The following PALM2AKAP2 variants were observed in gnomAD, a reference collection of about 807,000 sequenced individuals.
PALM2AKAP2 encodes the protein PALM2-AKAP2 fusion protein.
In PALM2AKAP2, 37 loss-of-function variants were observed where a neutral mutation model predicts 71.5. That is an observed-to-expected ratio of 0.52 (90% CI 0.40 to 0.68). PALM2AKAP2 has a LOEUF of 0.68. Among genes scored for constraint, PALM2AKAP2 ranks in the 30% least tolerant of loss-of-function variants. The pLI, the probability that PALM2AKAP2 is intolerant of heterozygous loss-of-function variation, is 0.00. For synonymous variants in PALM2AKAP2, 468 were observed against 478.8 expected, an observed-to-expected ratio of 0.98 and a Z score of 0.29; for missense variants, 1,224 against 1,191.8, an observed-to-expected ratio of 1.03 and a Z score of -0.40.
In PALM2AKAP2 at chr9:109,691,849, TATATATATATATATATATACAC is replaced by T. The variant is rs1345531208; in HGVS notation, c.5+50985_5+51006del. On this transcript the variant is annotated intron_variant, in intron 1 of 6. Transcript: ENST00000374531. ...CAGAAAGACGATATATATATATATA[TATATATATATATATATATACAC>T]ACACACACACATATATATATATATA... Among the ~76,000 whole-genome samples, 6 of 31,590 alleles carry T rather than the reference TATATATATATATATATATACAC, an allele frequency of 1.9e-4. No homozygotes were observed. The Admixed American group carries it at 2.4e-3, about 13-fold the overall frequency. 20.7% of individuals were successfully genotyped at this position (31,590 alleles called of 152,430 possible).
At chr9:109,837,446 G>A (rs1212326334) in intron 1 of PALM2AKAP2, among the ~76,000 whole-genome samples, 7 of 152,120 alleles carry the variant, frequency 4.6e-5, no homozygotes, top group South Asian at 2.1e-4. Context: ...AAAGACCATC[G>A]AGGCTAGAAA....
intron 1 of PALM2AKAP2, among the ~76,000 whole-genome samples, chr9:110,115,832 C>T (rs1835349536): frequency 6.6e-6 from 1 of 152,154 alleles, no homozygotes; most frequent in Non-Finnish European, 1.5e-5. Context: ...GTAGCTGATT[C>T]CATCAGATCA....
intron 1 of PALM2AKAP2, among the ~76,000 whole-genome samples, chr9:109,641,308 T>C (rs537921659): frequency 1.3e-5 from 2 of 152,184 alleles, no homozygotes; most frequent in South Asian, 2.1e-4. Context: ...GTGAAGCGTG[T>C]AATGGAAGGA....
At chr9:109,665,577 G>A (rs1226808822) in intron 1 of PALM2AKAP2, among the ~76,000 whole-genome samples, 5 of 152,278 alleles carry the variant, frequency 3.3e-5, no homozygotes, top group South Asian at 2.1e-4. Context: ...TCCCAGAGGG[G>A]CAGCCGCCTA....
At chr9:110,057,611 C>T (rs562738177) in intron 1 of PALM2AKAP2, among the ~76,000 whole-genome samples, 1 of 151,962 alleles carries the variant, frequency 6.6e-6, no homozygotes, top group African/African-American at 2.4e-5. Context: ...ATCTCCTGAC[C>T]TCATGATCCG....
In PALM2AKAP2 at chr9:109,654,750, G is replaced by GGTGTGTGTGTGTGTGTGTGTGTGTGT. The variant is rs374397482; in HGVS notation, c.5+13887_5+13912dup. Reference sequence around the variant, plus strand: ...TAGAGGTGCCTGTATGTATGTGTATGGTGTGTGTGTGTGTGTGTGTGTGTG... The same window carrying GGTGTGTGTGTGTGTGTGTGTGTGTGT: ...TAGAGGTGCCTGTATGTATGTGTATGGTGTGTGTGTGTGTGTGTGTGTGTGTGTGTGTGTGTGTGTGTGTGTGTGTG... On this transcript the variant is annotated intron_variant, in intron 1 of 6. Transcript: ENST00000374531. Among the ~76,000 whole-genome samples, 7 of 147,298 alleles carry GGTGTGTGTGTGTGTGTGTGTGTGTGT rather than the reference G, an allele frequency of 4.8e-5. No homozygotes were observed. The South Asian group carries it at 1.1e-3, about 23-fold the overall frequency.
chr9:109,926,074 A>T (rs762252991), intron 5 of PALM2AKAP2, among the ~76,000 whole-genome samples: 1 of 152,164 alleles, frequency 6.6e-6, no homozygotes, highest in Admixed American at 6.5e-5. Context: ...TGTATTAAAA[A>T]CAAACAAAAA....
chr9:109,899,602 A>C (rs1228443507), intron 3 of PALM2AKAP2, among the ~76,000 whole-genome samples: 1 of 152,134 alleles, frequency 6.6e-6, no homozygotes, highest in Non-Finnish European at 1.5e-5. Context: ...AACTTCCTTA[A>C]TTTAGCTTAG....
chr9:109,736,516 A>G (rs1446022491), intron 1 of PALM2AKAP2, among the ~76,000 whole-genome samples: 1 of 152,208 alleles, frequency 6.6e-6, no homozygotes, highest in African/African-American at 2.4e-5. Context: ...GCCTTGACGT[A>G]GAGCCATTTT....
chr9:109,969,537 C>G (rs1022327053), intron 6 of PALM2AKAP2, among the ~76,000 whole-genome samples: 1 of 152,218 alleles, frequency 6.6e-6, no homozygotes, highest in Admixed American at 6.5e-5. Flanking sequence ...CAGTCGTTCA[C>G]GGGGCTCTCT....
At chr9:109,975,426 C>T (rs1262969510) in intron 6 of PALM2AKAP2, among the ~76,000 whole-genome samples, 1 of 152,190 alleles carries the variant, frequency 6.6e-6, no homozygotes. Context: ...GGATGATTGC[C>T]CACCCACACT....
At chr9:109,710,994 A>G (rs556155030) in intron 1 of PALM2AKAP2, among the ~76,000 whole-genome samples, 6 of 152,226 alleles carry the variant, frequency 3.9e-5, no homozygotes, top group African/African-American at 1.4e-4. Flanking sequence ...GTAGCACTAC[A>G]TGCATGCAAA....
chr9:110,096,993 C>T (rs146379475), intron 1 of PALM2AKAP2, among the ~76,000 whole-genome samples: 4,018 of 147,516 alleles, frequency 0.027, 174 homozygotes, highest in African/African-American at 0.095. Flanking sequence ...TTGGGTGTTT[C>T]TCGCAGAGGG....
intron 6 of PALM2AKAP2, among the ~76,000 whole-genome samples, chr9:109,978,296 C>G (rs1832206970): frequency 6.6e-6 from 1 of 152,114 alleles, no homozygotes; most frequent in Non-Finnish European, 1.5e-5. Context: ...CAGCAGGAGG[C>G]ATAGCAAATA....
chr9:110,060,399 CT>C (rs60643129), intron 1 of PALM2AKAP2, among the ~76,000 whole-genome samples: 15,909 of 152,070 alleles, frequency 0.1, 846 homozygotes, highest in Middle Eastern at 0.21. Flanking sequence ...TTATTTTAGC[CT>C]GACAACTACT....
At chr9:110,000,155 T>TC (rs1832655958) in intron 6 of PALM2AKAP2, among the ~76,000 whole-genome samples, 3 of 122,902 alleles carry the variant, frequency 2.4e-5, no homozygotes, top group Admixed American at 8.2e-5. Flanking sequence ...ATGCTATCCC[T>TC]CCCCCCTCCC....
intron 3 of PALM2AKAP2, among the ~76,000 whole-genome samples, chr9:109,915,389 T>C (rs898391977): frequency 6.6e-6 from 1 of 152,250 alleles, no homozygotes; most frequent in African/African-American, 2.4e-5. Flanking sequence ...TGACCTGTGC[T>C]TCTGTGAGCT....
chr9:110,162,494 G>T (rs1836626568), intron 3 of PALM2AKAP2, among the ~76,000 whole-genome samples: 1 of 152,106 alleles, frequency 6.6e-6, no homozygotes, highest in African/African-American at 2.4e-5. Context: ...TGGCCTGGTT[G>T]GAAAACAGTG....
chr9:109,704,975 T>C (rs982359706), intron 1 of PALM2AKAP2, among the ~76,000 whole-genome samples: 1 of 152,138 alleles, frequency 6.6e-6, no homozygotes, highest in Non-Finnish European at 1.5e-5. Flanking sequence ...AACTCAGCAC[T>C]CACCAGCTGC....
Sources: allele counts gnomAD v4.1 joint callset (sites outside exome capture counted in the v4.1 genomes callset), GRCh38; gene constraint gnomAD v4.1.1; transcripts MANE v1.5; gene names NCBI Gene and HGNC (gene_info 2026-07-23, HGNC 2026-07-21).